SHROOM3: variants seen among roughly 807,000 people sequenced by gnomAD.
The protein encoded by SHROOM3 is shroom family member 3.
SHROOM3 carries 47 observed loss-of-function variants against 138.6 expected under a neutral mutation model. That is an observed-to-expected ratio of 0.34 (90% CI 0.27 to 0.43). SHROOM3 has a LOEUF of 0.43. Ranked by LOEUF, SHROOM3 falls within the 20% of genes least tolerant of loss-of-function variation. The pLI is 1.00. For synonymous variants in SHROOM3, 1,062 were observed against 1,063.3 expected (o/e 1.00, Z 0.02); for missense variants, 2,491 against 2,596.5 (o/e 0.96, Z 0.88).
intron 1 of SHROOM3, among the ~76,000 whole-genome samples, chr4:76,492,593 G>GA (rs977365241): frequency 1.3e-5 from 2 of 151,606 alleles, no homozygotes; most frequent in African/African-American, 4.8e-5. Flanking sequence ...TCATGATAAG[G>GA]AAAAAAAACC....
intron 2 of SHROOM3, among the ~76,000 whole-genome samples, chr4:76,652,154 C>CTGTGCTCATATGTA: frequency 6.6e-6 from 1 of 152,172 alleles, no homozygotes; most frequent in African/African-American, 2.4e-5. Context: ...CTGAGGCAAA[C>CTGTGCTCATATGTA]TTACCTGGTG....
chr4:76,520,169 G>A (rs1732532817), intron 1 of SHROOM3, among the ~76,000 whole-genome samples: 2 of 152,082 alleles, frequency 1.3e-5, no homozygotes, highest in South Asian at 2.1e-4. Context: ...TGTACATTAA[G>A]CCCAAATTTG....
intron 1 of SHROOM3, among the ~76,000 whole-genome samples, chr4:76,512,900 G>A (rs370915502): frequency 6.6e-6 from 1 of 152,196 alleles, no homozygotes; most frequent in African/African-American, 2.4e-5. Context: ...AAGAAACAAG[G>A]TGGATTGGAT....
At chr4:76,745,923 G>A (rs1721420433) in intron 5 of SHROOM3, among the ~76,000 whole-genome samples, 1 of 152,238 alleles carries the variant, frequency 6.6e-6, no homozygotes, top group Non-Finnish European at 1.5e-5. Flanking sequence ...AGAGGTTGCA[G>A]TGAGCTGAGA....
In SHROOM3 at chr4:76,616,520, A is replaced by T. The variant is rs140301913; in HGVS notation, c.323+60757A>T. ...CCTTAAAAAAATGAAATTCTGACTC[A>T]TGCTATCCCATGGATGAAACTTGAG... On this transcript the variant is annotated intron_variant, in intron 2 of 10. Transcript: ENST00000296043. Among the ~76,000 whole-genome samples the T allele has an allele frequency of 1.1e-3, 171 of 152,322 alleles. 1 individual carries two copies. The East Asian group carries it at 0.015, about 13-fold the overall frequency.
chr4:76,682,164 G>A (rs1338143805), intron 2 of SHROOM3, among the ~76,000 whole-genome samples: 1 of 152,136 alleles, frequency 6.6e-6, no homozygotes, highest in African/African-American at 2.4e-5. Context: ...TATGAGTTCT[G>A]TTGTGTTCCC....
chr4:76,623,315 ATGTC>A (rs540280250), intron 2 of SHROOM3, among the ~76,000 whole-genome samples: 43 of 152,234 alleles, frequency 2.8e-4, no homozygotes, highest in Non-Finnish European at 4.6e-4. Flanking sequence ...AGTTTTAAGA[ATGTC>A]TGGTGTCACT....
At chr4:76,769,926 T>C (rs748476656) in intron 9 of SHROOM3, among the ~76,000 whole-genome samples, 7 of 152,210 alleles carry the variant, frequency 4.6e-5, no homozygotes, top group Non-Finnish European at 8.8e-5. Flanking sequence ...CCTCTGACTC[T>C]TGGCCTATTT....
chr4:76,739,930 A>G lies in SHROOM3; in HGVS notation c.1757A>G (p.Asn586Ser), dbSNP rs560192700. The change falls in exon 5 of 11, where the codon AAT (asparagine) becomes AGT (serine). Residue 586 changes from asparagine to serine, a missense_variant. Asn to Ser is a conservative substitution (Grantham distance 46, BLOSUM62 1). Around this residue, in one of 4 missense-constraint regions of SHROOM3, gnomAD observed 1,733 missense variants for 1,661.6 expected, o/e 1.04. Transcript: ENST00000296043. The part of the protein sequence containing the change: ...TPPQGNSPHS[N>S]ERKSTHSNKP... ...CCCCAAGGCAACAGCCCACATTCCA[A>G]TGAGAGAAAGAGCACCCACAGTAAC... 14 of 1,614,220 alleles carry G rather than the reference A, an allele frequency of 8.7e-6. No individual in the cohort carries two copies. In the Admixed American group the frequency reaches 1.2e-4, roughly 13 times the overall value.
At chr4:76,660,951 C>T (rs1736171426) in intron 2 of SHROOM3, among the ~76,000 whole-genome samples, 1 of 152,022 alleles carries the variant, frequency 6.6e-6, no homozygotes. Flanking sequence ...CGGCATGTAC[C>T]ACCATGCCGG....
intron 2 of SHROOM3, among the ~76,000 whole-genome samples, chr4:76,606,563 C>T (rs564750445): frequency 6.6e-6 from 1 of 151,862 alleles, no homozygotes; most frequent in Non-Finnish European, 1.5e-5. Context: ...ATTAGCCAGG[C>T]CTGGTGGCAG....
At chr4:76,579,432 C>T (rs1362154934) in intron 2 of SHROOM3, among the ~76,000 whole-genome samples, 1 of 152,246 alleles carries the variant, frequency 6.6e-6, no homozygotes, top group Non-Finnish European at 1.5e-5. Context: ...CGTGCCACTG[C>T]ACTCCAGCCT....
chr4:76,776,518 C>T (rs895769845), intron 10 of SHROOM3, among the ~76,000 whole-genome samples: 12 of 152,058 alleles, frequency 7.9e-5, no homozygotes, highest in African/African-American at 1.4e-4. Context: ...AACTCTTTGC[C>T]GAAGCCAATG....
chr4:76,457,703 G>C (rs1329713271), intron 1 of SHROOM3, among the ~76,000 whole-genome samples: 6 of 151,754 alleles, frequency 4.0e-5, no homozygotes, highest in African/African-American at 1.5e-4. Context: ...TGTTGGCCAG[G>C]ATGGCCTCGA....
At chr4:76,481,323 A>C (rs1048706094) in intron 1 of SHROOM3, among the ~76,000 whole-genome samples, 1 of 152,200 alleles carries the variant, frequency 6.6e-6, no homozygotes. Context: ...CAGAAATGCA[A>C]ACTACCATCA....
rs531078492 is a variant in SHROOM3 at position 76,689,765 on chromosome 4, G to C, written c.324-20391G>C. 128 of 984,678 alleles carry C rather than the reference G, an allele frequency of 1.3e-4. No homozygotes were observed. The African/African-American group carries it at 2.2e-3, about 17-fold the overall frequency. The allele number at this position is 984,678 out of a possible 1,614,324, so 61.0% of individuals were successfully genotyped here. ...GGGGGCCGGCCGGCTGCTTTCTGGA[G>C]CGCGTCTATTTCGGGCTCTGCGGCG... On this transcript the variant is annotated intron_variant, in intron 2 of 10. Coordinates refer to ENST00000296043, the MANE Select transcript of SHROOM3 (RefSeq NM_020859.4).
chr4:76,607,995 T>G (rs1464279775), intron 2 of SHROOM3, among the ~76,000 whole-genome samples: 1 of 152,202 alleles, frequency 6.6e-6, no homozygotes, highest in Non-Finnish European at 1.5e-5. Context: ...TCCAAAACAG[T>G]GCCCAGTTAG....
In SHROOM3 at chr4:76,722,612, C is replaced by T. The variant is rs539478048; in HGVS notation, c.456-8192C>T. ...TATATAACACCCCCAGTCCATGACA[C>T]AAGCTTACCTATATAACAAACCTGC... On this transcript the variant is annotated intron_variant, in intron 3 of 10. Coordinates refer to ENST00000296043, the MANE Select transcript of SHROOM3 (RefSeq NM_020859.4). 4.6e-5 allele frequency among the ~76,000 whole-genome samples: 7 copies of T among 151,932 alleles called. No individual in the cohort carries two copies. In the South Asian group the frequency reaches 1.5e-3, roughly 32 times the overall value.
chr4:76,509,406 C>T (rs1434511558), intron 1 of SHROOM3: 1 of 152,158 alleles, frequency 6.6e-6, no homozygotes, highest in Non-Finnish European at 1.5e-5. Flanking sequence ...ATTTCTTGGT[C>T]CTTGTGAGGA....
Sources: gnomAD v4.1 joint callset for allele counts (sites outside exome capture counted in the v4.1 genomes callset) on GRCh38, gnomAD v4.1.1 for gene constraint, gnomAD v4.1.1 regional missense constraint, MANE v1.5 for transcripts, NCBI Gene and HGNC (gene_info 2026-07-23, HGNC 2026-07-21) for gene names.